Variants in MAGI2 observed in about 807,000 individuals in gnomAD.
MAGI2 encodes the protein membrane associated guanylate kinase, WW and PDZ domain containing 2, also known as membrane-associated guanylate kinase, WW and PDZ domain-containing protein 2.
In MAGI2, 35 loss-of-function variants were observed where a neutral mutation model predicts 133.3. The observed-to-expected ratio is 0.26, with a 90% confidence interval of 0.20 to 0.35. MAGI2 has a LOEUF of 0.35. Ranked by LOEUF, MAGI2 falls within the 10% of genes least tolerant of loss-of-function variation. The pLI, the probability that MAGI2 is intolerant of heterozygous loss-of-function variation, is 1.00. For synonymous variants in MAGI2, 729 were observed against 710.6 expected, an observed-to-expected ratio of 1.03 and a Z score of -0.41; for missense variants, 1,636 against 1,863.4, an observed-to-expected ratio of 0.88 and a Z score of 2.25.
At chr7:79,049,968 G>A (rs1428317052) in intron 1 of MAGI2, among the ~76,000 whole-genome samples, 1 of 152,090 alleles carries the variant, frequency 6.6e-6, no homozygotes, top group Non-Finnish European at 1.5e-5. Context: ...CTGAGACTCT[G>A]ATTCTGTAGT....
At chr7:79,451,539 T>G (rs1849250176) in intron 1 of MAGI2, among the ~76,000 whole-genome samples, 1 of 152,206 alleles carries the variant, frequency 6.6e-6, no homozygotes, top group Non-Finnish European at 1.5e-5. Context: ...ATAACCTATC[T>G]CAATTTATTA....
At chr7:78,847,466 T>C (rs1272698463) in intron 2 of MAGI2, among the ~76,000 whole-genome samples, 1 of 151,984 alleles carries the variant, frequency 6.6e-6, no homozygotes, top group Non-Finnish European at 1.5e-5. Context: ...GTCAAAATAA[T>C]GTTAGTGTTT....
chr7:78,224,768 G>C (rs1789198653), intron 10 of MAGI2, among the ~76,000 whole-genome samples: 1 of 148,384 alleles, frequency 6.7e-6, no homozygotes, highest in South Asian at 2.1e-4. Context: ...ATAACAGACA[G>C]TTTTCCACCT....
At position 78,894,270 on chromosome 7, in the gene MAGI2, C is replaced by A. The variant is rs570573659; in HGVS notation, c.418+112820G>T. On this transcript the variant is annotated intron_variant, in intron 2 of 21. Coordinates refer to ENST00000354212, the MANE Select transcript of MAGI2 (RefSeq NM_012301.4). ...CAAAATTTAGCTGGGCGTGGTGGCA[C>A]GTGTGCCTGTAGTCCCAGCTACTCC... Among the ~76,000 whole-genome samples, 23 of 152,176 alleles carry A rather than the reference C, an allele frequency of 1.5e-4. 1 individual carries two copies. In the South Asian group the frequency reaches 4.4e-3, roughly 29 times the overall value.
At chr7:79,087,429 A>G (rs1234434121) in intron 1 of MAGI2, among the ~76,000 whole-genome samples, 1 of 152,004 alleles carries the variant, frequency 6.6e-6, no homozygotes, top group African/African-American at 2.4e-5. Flanking sequence ...ATTCAGTGTT[A>G]TACATTGAAG....
chr7:78,468,741 A>G (rs565530613), intron 6 of MAGI2, among the ~76,000 whole-genome samples: 2 of 152,310 alleles, frequency 1.3e-5, no homozygotes, highest in East Asian at 3.9e-4. Context: ...AAAGCAAAGG[A>G]CGCCTCTGAT....
chr7:79,084,508 G>A (rs1816313850), intron 1 of MAGI2, among the ~76,000 whole-genome samples: 1 of 151,608 alleles, frequency 6.6e-6, no homozygotes, highest in Non-Finnish European at 1.5e-5. Context: ...TTGTATTTAA[G>A]AAAATATGTT....
At chr7:78,674,841 A>T (rs1814816618) in intron 2 of MAGI2, among the ~76,000 whole-genome samples, 1 of 152,154 alleles carries the variant, frequency 6.6e-6, no homozygotes, top group African/African-American at 2.4e-5. Context: ...TTGAAATGGC[A>T]TGACTATATA....
intron 2 of MAGI2, among the ~76,000 whole-genome samples, chr7:78,652,989 C>G (rs185237438): frequency 1.3e-5 from 2 of 151,568 alleles, no homozygotes; most frequent in Non-Finnish European, 2.9e-5. Flanking sequence ...TGAACAGACA[C>G]TTCTCAGAGG....
At chr7:79,340,181 G>T (rs530003696) in intron 1 of MAGI2, among the ~76,000 whole-genome samples, 2 of 151,978 alleles carry the variant, frequency 1.3e-5, no homozygotes, top group Non-Finnish European at 2.9e-5. Flanking sequence ...GCCTTGTCTG[G>T]TTTATGTACC....
At chr7:79,070,713 G>A (rs868461365) in intron 1 of MAGI2, among the ~76,000 whole-genome samples, 8 of 151,724 alleles carry the variant, frequency 5.3e-5, no homozygotes, top group Non-Finnish European at 8.8e-5. Flanking sequence ...GGATGGTCTC[G>A]AGCTCCTGAC....
intron 1 of MAGI2, among the ~76,000 whole-genome samples, chr7:79,251,298 C>T (rs577082822): frequency 2.6e-5 from 4 of 152,188 alleles, no homozygotes; most frequent in Admixed American, 2.0e-4. Context: ...AGTGAAGCAA[C>T]AACCCATAGA....
At chr7:78,539,468 T>C (rs1798231907) in intron 3 of MAGI2, among the ~76,000 whole-genome samples, 1 of 142,828 alleles carries the variant, frequency 7.0e-6, no homozygotes, top group Admixed American at 7.0e-5. Flanking sequence ...TATTGGTCTG[T>C]AGTTTTTTTG....
intron 9 of MAGI2, among the ~76,000 whole-genome samples, chr7:78,337,474 T>G (rs1255488848): frequency 6.6e-6 from 1 of 152,204 alleles, no homozygotes; most frequent in East Asian, 1.9e-4. Flanking sequence ...GTTCAAACTT[T>G]TTGGTACAGA....
chr7:78,618,776 C>G (rs1175272708), intron 3 of MAGI2: 1 of 151,534 alleles, frequency 6.6e-6, no homozygotes, highest in East Asian at 1.9e-4. Flanking sequence ...CACAGAGAGA[C>G]AAATACGACA....
chr7:78,980,456 G>T (rs1018466716), intron 2 of MAGI2, among the ~76,000 whole-genome samples: 3 of 151,814 alleles, frequency 2.0e-5, no homozygotes, highest in Non-Finnish European at 2.9e-5. Context: ...CCAGTATCAA[G>T]GCTTGTCAGT....
intron 2 of MAGI2, among the ~76,000 whole-genome samples, chr7:78,726,420 A>C (rs1242783217): frequency 6.6e-6 from 1 of 152,232 alleles, no homozygotes; most frequent in Non-Finnish European, 1.5e-5. Flanking sequence ...AAACTGGAAG[A>C]GGTTAACTTC....
At chr7:79,429,393 C>T (rs1847620878) in intron 1 of MAGI2, among the ~76,000 whole-genome samples, 1 of 152,028 alleles carries the variant, frequency 6.6e-6, no homozygotes, top group Non-Finnish European at 1.5e-5. Context: ...ACCTCTGCCT[C>T]TCAGGTTCAA....
At chr7:79,442,365 C>T (rs938605665) in intron 1 of MAGI2, among the ~76,000 whole-genome samples, 30 of 151,878 alleles carry the variant, frequency 2.0e-4, no homozygotes, top group African/African-American at 7.0e-4. Flanking sequence ...ACTGTTTTCC[C>T]TAAACTAAGG....
Sources: gnomAD v4.1 joint callset for allele counts (sites outside exome capture counted in the v4.1 genomes callset) on GRCh38, gnomAD v4.1.1 for gene constraint, MANE v1.5 for transcripts, NCBI Gene and HGNC (gene_info 2026-07-23, HGNC 2026-07-21) for gene names.